Variants in ATP8B1 observed in about 807,000 individuals in gnomAD.
The protein encoded by ATP8B1 is phospholipid-transporting ATPase IC.
Under a neutral mutation model 149.9 loss-of-function variants are expected in ATP8B1, and 80 were observed. The observed-to-expected ratio is 0.53, with a 90% confidence interval of 0.45 to 0.64. The LOEUF (loss-of-function observed/expected upper bound fraction) is 0.64. ATP8B1 is among the 30% of genes least tolerant of loss of function. The pLI is 0.00. For synonymous variants in ATP8B1, 536 were observed against 562.8 expected (o/e 0.95, Z 0.67); for missense variants, 1,247 against 1,552.6 (o/e 0.80, Z 3.31).
At position 57,678,385 on chromosome 18, in the gene ATP8B1, A is replaced by T. The variant is rs189121841; in HGVS notation, c.1631-3363T>A. Among the ~76,000 whole-genome samples, 212 of 151,484 alleles carry T rather than the reference A, an allele frequency of 1.4e-3. 1 individual carries two copies. The highest frequency in any genetic ancestry group is 2.4e-3 in the Non-Finnish European group (161 of 67,712). On this transcript the variant is annotated intron_variant, in intron 15 of 27. Coordinates refer to ENST00000648908, the MANE Select transcript of ATP8B1 (RefSeq NM_001374385.1). ...GGTGGATCACAAGGTCAGGAGTTTG[A>T]GACCGGCCTGGCCAACATAGTGAAA...
chr18:57,770,132 G>A (rs1433736861), intron 1 of ATP8B1, among the ~76,000 whole-genome samples: 1 of 149,328 alleles, frequency 6.7e-6, no homozygotes, highest in Non-Finnish European at 1.5e-5. Context: ...GCAGTGGTGC[G>A]ATCTCAGCTC....
At chr18:57,765,323 G>A (rs905198164) in intron 1 of ATP8B1, among the ~76,000 whole-genome samples, 4 of 152,100 alleles carry the variant, frequency 2.6e-5, no homozygotes, top group Non-Finnish European at 4.4e-5. Flanking sequence ...GGTGGATGGC[G>A]GTGATGGCTG....
intron 1 of ATP8B1, among the ~76,000 whole-genome samples, chr18:57,749,693 C>A (rs534264454): frequency 1.7e-4 from 26 of 152,218 alleles, no homozygotes; most frequent in African/African-American, 5.8e-4. Context: ...AGGAAGCAGG[C>A]TCTGGCTGAA....
chr18:57,747,711 G>T (rs1000648928), intron 1 of ATP8B1, among the ~76,000 whole-genome samples: 2 of 152,140 alleles, frequency 1.3e-5, no homozygotes, highest in Non-Finnish European at 2.9e-5. Flanking sequence ...ATACTATCAT[G>T]GTTTCCTGAA....
chr18:57,771,547 A>C (rs1174470018), intron 1 of ATP8B1, among the ~76,000 whole-genome samples: 1 of 152,174 alleles, frequency 6.6e-6, no homozygotes, highest in East Asian at 1.9e-4. Context: ...TTACATTTGG[A>C]CATCTGCTCT....
At chr18:57,785,087 T>C (rs185968806) in intron 1 of ATP8B1, among the ~76,000 whole-genome samples, 2 of 152,326 alleles carry the variant, frequency 1.3e-5, no homozygotes, top group Admixed American at 1.3e-4. Context: ...GCACCTAAAA[T>C]TGACTTTAAA....
At chr18:57,781,506 C>A (rs1274546202) in intron 1 of ATP8B1, among the ~76,000 whole-genome samples, 1 of 152,148 alleles carries the variant, frequency 6.6e-6, no homozygotes, top group Non-Finnish European at 1.5e-5. Context: ...GGTGTGAGTG[C>A]TGAACTTGTA....
chr18:57,765,407 T>C lies in ATP8B1; in HGVS notation c.-25-33575A>G, dbSNP rs1256917626. The stretch of plus-strand genomic sequence containing the variant: ...TGGTTGGGTCGGGTGCAGTGGCTCA[T>C]GCCTTTAATCCCAGCACTTTGGGAG... On this transcript the variant is annotated intron_variant, in intron 1 of 27. Transcript: ENST00000648908. Among the ~76,000 whole-genome samples the C allele has an allele frequency of 2.6e-5, 4 of 152,158 alleles. No homozygotes were observed. In the East Asian group the frequency reaches 7.7e-4, roughly 29 times the overall value.
chr18:57,790,634 C>A (rs958690115), intron 1 of ATP8B1, among the ~76,000 whole-genome samples: 1 of 152,116 alleles, frequency 6.6e-6, no homozygotes, highest in Non-Finnish European at 1.5e-5. Flanking sequence ...TTAAGTATAA[C>A]CTCCTTCAAG....
chr18:57,709,385 G>A (rs978253538), intron 2 of ATP8B1, among the ~76,000 whole-genome samples: 38 of 152,278 alleles, frequency 2.5e-4, no homozygotes, highest in African/African-American at 8.7e-4. Flanking sequence ...TAAGTTAAAT[G>A]TTTAAAATGC....
In ATP8B1 at chr18:57,669,467, T is replaced by C. The variant is rs1911098139; in HGVS notation, c.1948A>G (p.Thr650Ala). 6.2e-7 allele frequency: 1 copy of C among 1,612,234 alleles called. No individual in the cohort carries two copies. Among genetic ancestry groups the C allele is most frequent in the Admixed American group, 1.7e-5 (1 of 59,900 alleles). The change falls in exon 18 of 28, where the codon ACT (threonine) becomes GCT (alanine). Residue 650 changes from threonine (T) to alanine (A), a missense_variant. Coordinates refer to ENST00000648908, the MANE Select transcript of ATP8B1 (RefSeq NM_001374385.1). ...QDALDIFANE[T>A]LRTLCLCYKE... Reference sequence around the variant, plus strand: ...TAGCAAAGGCATAGGGTTCTAAGAGTTTCATTTGCAAAGATCTGTTTTATT... The same window carrying C: ...TAGCAAAGGCATAGGGTTCTAAGAGCTTCATTTGCAAAGATCTGTTTTATT...
chr18:57,727,274 T>C (rs1008628009), intron 2 of ATP8B1, among the ~76,000 whole-genome samples: 1 of 151,770 alleles, frequency 6.6e-6, no homozygotes, highest in Admixed American at 6.6e-5. Context: ...AGAAAGAAAA[T>C]AAGTAGCCAG....
At chr18:57,690,070 TAAG>T (rs1372020491) in intron 12 of ATP8B1, among the ~76,000 whole-genome samples, 2 of 151,960 alleles carry the variant, frequency 1.3e-5, no homozygotes, top group Non-Finnish European at 2.9e-5. Context: ...CAAAGCAAGG[TAAG>T]GAGATATGAA....
At chr18:57,708,157 CAAA>C (rs36027330) in intron 2 of ATP8B1, among the ~76,000 whole-genome samples, 2 of 67,072 alleles carry the variant, frequency 3.0e-5, no homozygotes, top group Non-Finnish European at 2.8e-5. Context: ...AACTCTGTCT[CAAA>C]AAAAAAAAAA....
At chr18:57,680,930 A>G (rs1182222624) in intron 15 of ATP8B1, among the ~76,000 whole-genome samples, 3 of 152,160 alleles carry the variant, frequency 2.0e-5, no homozygotes, top group Non-Finnish European at 1.5e-5. Context: ...ACCTCTGTGC[A>G]GGCGGGAGTC....
chr18:57,660,020 C>A lies in ATP8B1; in HGVS notation c.2707+1154G>T, dbSNP rs533539277. ...TCTTTTCCGATGAGAAAACTGAAAC[C>A]TGAGCATAAGCCCAAGGTGACACCG... On this transcript the variant is annotated intron_variant, in intron 22 of 27. Transcript: ENST00000648908. Among the ~76,000 whole-genome samples, 3 of 152,212 alleles carry A rather than the reference C, an allele frequency of 2.0e-5. No individual in the cohort carries two copies. In the East Asian group the frequency reaches 5.8e-4, roughly 29 times the overall value.
intron 19 of ATP8B1, chr18:57,667,747 G>A (rs371398588): frequency 9.0e-5 from 16 of 178,232 alleles, no homozygotes; most frequent in African/African-American, 3.8e-4. Flanking sequence ...GCGGGGGGCG[G>A]GGGCAGAGGG....
chr18:57,767,517 G>A (rs549851609), intron 1 of ATP8B1, among the ~76,000 whole-genome samples: 19 of 152,182 alleles, frequency 1.2e-4, no homozygotes, highest in Non-Finnish European at 2.2e-4. Context: ...GCCAGGCTCG[G>A]TGGCTCATGC....
rs543065444 is a variant in ATP8B1 at position 57,783,158 on chromosome 18, C to T, written c.-26+19840G>A. 8.5e-4 allele frequency among the ~76,000 whole-genome samples: 130 copies of T among 152,054 alleles called. 3 individuals carry two copies. Among genetic ancestry groups the T allele is most frequent in the African/African-American group, 3.0e-3 (124 of 41,460 alleles). ...TGCACTGGCTGAAGGGAGGCGGGGA[C>T]GTTCCTAGAAGTATGATGGGTGACA... On this transcript the variant is annotated intron_variant, in intron 1 of 27. Transcript: ENST00000648908.
Sources: allele counts gnomAD v4.1 joint callset (sites outside exome capture counted in the v4.1 genomes callset), GRCh38; gene constraint gnomAD v4.1.1; transcripts MANE v1.5; gene names NCBI Gene and HGNC (gene_info 2026-07-23, HGNC 2026-07-21).